Variants in EGF observed in about 807,000 individuals in gnomAD.
The protein encoded by EGF is epidermal growth factor.
EGF carries 95 observed loss-of-function variants against 143.8 expected under a neutral mutation model. The observed-to-expected ratio is 0.66, with a 90% CI of 0.56 to 0.78. The LOEUF (loss-of-function observed/expected upper bound fraction) is 0.78. Ranked by LOEUF, EGF falls within the 30% of genes least tolerant of loss-of-function variation. The pLI is 0.00. For missense variants in EGF, 1,320 were observed against 1,470.9 expected, an observed-to-expected ratio of 0.90 and a Z score of 1.68; for synonymous variants, 510 against 510.5, an observed-to-expected ratio of 1.00 and a Z score of 0.01.
At chr4:110,005,419 T>C (rs1471981696) in intron 22 of EGF, among the ~76,000 whole-genome samples, 1 of 152,122 alleles carries the variant, frequency 6.6e-6, no homozygotes, top group African/African-American at 2.4e-5. Flanking sequence ...ACATTTCAAC[T>C]CCCCAAATTT....
intron 1 of EGF, among the ~76,000 whole-genome samples, chr4:109,926,664 C>T (rs1419688502): frequency 2.6e-5 from 4 of 151,950 alleles, no homozygotes; most frequent in South Asian, 2.1e-4. Flanking sequence ...GCCGTGACAC[C>T]GTCTTTAAAA....
chr4:110,003,175 T>A (rs538113060), intron 21 of EGF, among the ~76,000 whole-genome samples: 2 of 152,334 alleles, frequency 1.3e-5, no homozygotes, highest in East Asian at 3.9e-4. Flanking sequence ...TCTGGGTATA[T>A]ACCCAGTAAT....
rs752598344 is a variant in EGF, at chr4:109,941,017, G to A, written c.199G>A (p.Glu67Lys). 6.2e-7 allele frequency: 1 copy of A among 1,613,980 alleles called. No individual in the cohort carries two copies. Among genetic ancestry groups the A allele is most frequent in the Non-Finnish European group, 8.5e-7 (1 of 1,179,914 alleles). The change falls in exon 2 of 24, where the codon GAG (glutamate) becomes AAG (lysine). Residue 67 changes from glutamate (E) to lysine (K), a missense_variant. Glu to Lys is a moderately conservative substitution (Grantham distance 56). This residue lies in a region of EGF where 9 missense variants were observed against 26.6 expected (regional missense o/e 0.34). Transcript: ENST00000265171. ...FRIDTEGTNY[E>K]QLVVDAGVSV... is the part of the protein sequence containing the mutation. ...GATTGACACAGAAGGAACCAATTATGAGCAATTGGTGGTGGATGCTGGTGT... is the reference window on the plus strand; with the variant it reads ...GATTGACACAGAAGGAACCAATTATAAGCAATTGGTGGTGGATGCTGGTGT...
Position 109,993,327 on chromosome 4 carries a change from A to T in EGF, c.2815A>T (p.Met939Leu), listed in dbSNP as rs758664927. The T allele has an allele frequency of 1.2e-6, 2 of 1,613,700 alleles. No individual in the cohort carries two copies. Among genetic ancestry groups the T allele is most frequent in the South Asian group, 2.2e-5 (2 of 91,064 alleles). The change falls in exon 19 of 24, where the codon ATG (methionine) becomes TTG (leucine). Residue 939 changes from methionine to leucine, a missense_variant. This residue lies in a region of EGF where 1,186 missense variants were observed against 1,313.7 expected (regional missense o/e 0.90). Coordinates refer to ENST00000265171, the MANE Select transcript of EGF (RefSeq NM_001963.6). ...AAATACAGAGGGAGGCTATACCTGC[A>T]TGTGTGCTGGACGCCTGTCTGAACC... ...CTNTEGGYTC[M>L]CAGRLSEPGL...
chr4:109,921,786 A>G (rs1737841607), intron 1 of EGF, among the ~76,000 whole-genome samples: 1 of 151,548 alleles, frequency 6.6e-6, no homozygotes, highest in South Asian at 2.1e-4. Context: ...ATAGTGTTTT[A>G]TTTCATTCAC....
intron 16 of EGF, among the ~76,000 whole-genome samples, chr4:109,986,423 G>C (rs906189246): frequency 3.3e-5 from 5 of 152,210 alleles, no homozygotes; most frequent in African/African-American, 1.2e-4. Context: ...AGTCATGAGT[G>C]ACAGGAGATA....
At chr4:109,991,714 GT>G (rs1274216409) in intron 18 of EGF, among the ~76,000 whole-genome samples, 1 of 152,210 alleles carries the variant, frequency 6.6e-6, no homozygotes, top group Admixed American at 6.5e-5. Context: ...ATGACAGGAT[GT>G]CTATACAAAA....
Position 109,982,821 on chromosome 4 carries a change from G to T in EGF, c.2372-601G>T, listed in dbSNP as rs139542171. Among the ~76,000 whole-genome samples the T allele has an allele frequency of 8.5e-5, 13 of 152,222 alleles. No individual in the cohort carries two copies. The East Asian group carries it at 2.3e-3, about 27-fold the overall frequency. ...TAACTTTATAGTATTATTATGAAAA[G>T]AATTATGACTTTAGGGACATTCTGA... On this transcript the variant is annotated intron_variant, in intron 15 of 23. Transcript: ENST00000265171.
At position 109,914,040 on chromosome 4, in the gene EGF, C is replaced by T. The variant is rs13124171; in HGVS notation, c.127+578C>T. Among the ~76,000 whole-genome samples, 1,402 of 152,278 alleles carry T rather than the reference C, an allele frequency of 9.2e-3. 9 individuals are homozygous for T. Among genetic ancestry groups the T allele is most frequent in the Non-Finnish European group, 0.013 (911 of 68,016 alleles). On this transcript the variant is annotated intron_variant, in intron 1 of 23. Transcript: ENST00000265171. ...AACTCCGGAGTTTTAGTAACAGGTG[C>T]ATTGCAACTTTAAGAACTGCCAAAT...
At chr4:109,967,219 A>G (rs545117661) in intron 10 of EGF, among the ~76,000 whole-genome samples, 46 of 152,264 alleles carry the variant, frequency 3.0e-4, no homozygotes, top group African/African-American at 1.1e-3. Context: ...AATTTTTTAT[A>G]TGGTGAGAGA....
intron 20 of EGF, 117 bp downstream of exon 20, chr4:109,994,997 A>G: frequency 2.3e-6 from 3 of 1,301,718 alleles, no homozygotes; most frequent in Non-Finnish European, 3.3e-6. Context: ...TCTTTTGGAA[A>G]AATATAAACA....
Position 110,004,211 on chromosome 4 carries a change from T to TACACAC in EGF, c.3174-291_3174-290insCACACA, listed in dbSNP as rs201017416. ...CTATTCCCCCCAACATACATGGGCA[T>TACACAC]ACATACACACACACACACACACACA... On this transcript the variant is annotated intron_variant, in intron 21 of 23. Coordinates refer to ENST00000265171, the MANE Select transcript of EGF (RefSeq NM_001963.6). 2.5e-3 allele frequency: 975 copies of TACACAC among 387,212 alleles called. 12 individuals carry two copies. In the East Asian group the frequency reaches 0.03, roughly 12 times the overall value. 24.0% of individuals were successfully genotyped at this position (387,212 alleles called of 1,614,324 possible). A position where few individuals can be genotyped will look rare whatever the true frequency, so the allele number is the denominator to read the frequency against.
chr4:109,993,464 A>G (rs1034709556), intron 19 of EGF, 95 bp downstream of exon 19: 9 of 1,561,294 alleles, frequency 5.8e-6, no homozygotes, highest in Non-Finnish European at 7.9e-6. Flanking sequence ...TCTAAAAATC[A>G]TTCAGTTCAG....
rs1224242391 is a variant in EGF at position 109,956,624 on chromosome 4, TTAAG to T, written c.941-2686_941-2683del. ...TAATTTTGCTTAAAATTTTGATAGT[TTAAG>T]TGAAGCATATAGAACAAGAAAAATA... On this transcript the variant is annotated intron_variant, in intron 5 of 23. Coordinates refer to ENST00000265171, the MANE Select transcript of EGF (RefSeq NM_001963.6). 3.3e-5 allele frequency among the ~76,000 whole-genome samples: 5 copies of T among 152,302 alleles called. No individual in the cohort carries two copies. The East Asian group carries it at 9.6e-4, about 29-fold the overall frequency.
intron 10 of EGF, among the ~76,000 whole-genome samples, chr4:109,968,175 G>A (rs938394423): frequency 7.9e-5 from 12 of 152,102 alleles, no homozygotes; most frequent in African/African-American, 2.7e-4. Context: ...AATCACCATC[G>A]TATATGCAGT....
Position 110,011,461 on chromosome 4 carries a change from G to A in EGF, c.*6G>A, listed in dbSNP as rs1410554260. 6.2e-7 allele frequency: 1 copy of A among 1,614,014 alleles called. No homozygotes were observed. Among genetic ancestry groups the A allele is most frequent in the African/African-American group, 1.3e-5 (1 of 74,914 alleles). ...AAATGGAGCTGACTCAGTGAAAACT[G>A]GAATTAAAAGGAAAGTCAAGAAGAA... On this transcript the variant is annotated 3_prime_UTR_variant, in exon 24 of 24. Transcript: ENST00000265171.
intron 5 of EGF, among the ~76,000 whole-genome samples, chr4:109,948,687 T>C (rs1195998704): frequency 6.6e-6 from 1 of 152,064 alleles, no homozygotes; most frequent in African/African-American, 2.4e-5. Flanking sequence ...GGTTTCACCA[T>C]ATTACCCAGG....
At chr4:110,004,705 G>C in intron 22 of EGF, 83 bp downstream of exon 22, 1 of 1,031,644 alleles carries the variant, frequency 9.7e-7, no homozygotes, top group East Asian at 5.1e-5. Context: ...ACTGAGTTCA[G>C]AATGACTGGA....
chr4:109,974,820 A>T lies in EGF; in HGVS notation c.1829+13A>T. On this transcript the variant is annotated intron_variant, in intron 12 of 23. Coordinates refer to ENST00000265171, the MANE Select transcript of EGF (RefSeq NM_001963.6). ...ATCCAATGGCCAAGTAGGTATTTGT[A>T]AAAATAAGGCACTGCTCTGCAGAGG... 5 of 1,601,776 alleles carry T rather than the reference A, an allele frequency of 3.1e-6. No individual in the cohort carries two copies. Among genetic ancestry groups the T allele is most frequent in the Non-Finnish European group, 4.3e-6 (5 of 1,169,048 alleles).
Sources: gnomAD v4.1 joint callset for allele counts (sites outside exome capture counted in the v4.1 genomes callset) on GRCh38, gnomAD v4.1.1 for gene constraint, gnomAD v4.1.1 regional missense constraint, MANE v1.5 for transcripts, NCBI Gene and HGNC (gene_info 2026-07-23, HGNC 2026-07-21) for gene names.